DPP10: variants seen among roughly 807,000 people sequenced by gnomAD.
DPP10 encodes dipeptidyl peptidase like 10.
Under a neutral mutation model 120.9 loss-of-function variants are expected in DPP10, and 33 were observed. The observed-to-expected ratio is 0.27, with a 90% confidence interval of 0.21 to 0.37. The LOEUF is 0.37. Among genes scored for constraint, DPP10 ranks in the 10% least tolerant of loss-of-function variants. DPP10 has a pLI of 1.00. For synonymous variants in DPP10, 337 were observed against 326.1 expected, an observed-to-expected ratio of 1.03 and a Z score of -0.36; for missense variants, 816 against 942.8, an observed-to-expected ratio of 0.87 and a Z score of 1.76.
chr2:114,850,712 A>G (rs1202988012), intron 1 of DPP10, among the ~76,000 whole-genome samples: 1 of 152,160 alleles, frequency 6.6e-6, no homozygotes, highest in African/African-American at 2.4e-5. Context: ...TTCTCTCTAT[A>G]GATACCATAA....
rs533393126 is a variant in DPP10, at chr2:115,748,685, C to G, written c.950+2502C>G. On this transcript the variant is annotated intron_variant, in intron 10 of 25. Coordinates refer to ENST00000410059, the MANE Select transcript of DPP10 (RefSeq NM_020868.6). ...TATTTATAATAACTAGTGTTTATCA[C>G]TGTAATAGAAAAAGTTCCCCAAGCT... Among the ~76,000 whole-genome samples the G allele has an allele frequency of 3.0e-4, 46 of 152,066 alleles. No individual in the cohort carries two copies. In the South Asian group the frequency reaches 8.9e-3, roughly 30 times the overall value.
intron 1 of DPP10, among the ~76,000 whole-genome samples, chr2:114,942,306 T>TATATATATATATAC (rs1469260507): frequency 8.2e-6 from 1 of 122,450 alleles, no homozygotes; most frequent in African/African-American, 3.1e-5. Context: ...TACATATATA[T>TATATATATATATAC]ATATATATAT....
At chr2:115,768,505 C>T (rs1212772751) in intron 13 of DPP10, 101 bp downstream of exon 13, 1 of 968,362 alleles carries the variant, frequency 1.0e-6, no homozygotes, top group East Asian at 2.6e-5. Flanking sequence ...GGTGGTGAAA[C>T]CCAGCCATAT....
chr2:115,566,058 G>A (rs1003957945), intron 5 of DPP10, among the ~76,000 whole-genome samples: 1 of 151,854 alleles, frequency 6.6e-6, no homozygotes, highest in South Asian at 2.1e-4. Context: ...AAGTGCTGTA[G>A]TTACAAACAT....
At chr2:115,830,020 A>G (rs1248430787) in intron 21 of DPP10, among the ~76,000 whole-genome samples, 1 of 152,144 alleles carries the variant, frequency 6.6e-6, no homozygotes, top group Non-Finnish European at 1.5e-5. Flanking sequence ...ATATAAAACA[A>G]AACTCCTAGA....
At chr2:115,043,757 A>G (rs562026237) in intron 1 of DPP10, among the ~76,000 whole-genome samples, 1 of 152,310 alleles carries the variant, frequency 6.6e-6, no homozygotes, top group East Asian at 1.9e-4. Flanking sequence ...ATTGGCTTTC[A>G]TTTGAAACTT....
chr2:115,458,660 G>A (rs1390046136), intron 3 of DPP10, among the ~76,000 whole-genome samples: 4 of 152,120 alleles, frequency 2.6e-5, no homozygotes, highest in African/African-American at 7.2e-5. Context: ...ACATATATAC[G>A]TATTGAGCAT....
chr2:115,777,301 TGA>T lies in DPP10; in HGVS notation c.1313+4_1313+5del. On this transcript the variant is annotated splice_donor_region_variant and intron_variant, in intron 14 of 25. Transcript: ENST00000410059. Reference sequence around the variant, plus strand: ...ATACGATGAAACTACTCAAAAAATGTGAGTGTTTTCAGTTCTCTAGTCAGGCT... The same window carrying T: ...ATACGATGAAACTACTCAAAAAATGTGTGTTTTCAGTTCTCTAGTCAGGCT... 1 of 1,611,904 alleles carries T rather than the reference TGA, an allele frequency of 6.2e-7. No homozygotes were observed. Among genetic ancestry groups the T allele is most frequent in the Non-Finnish European group, 8.5e-7 (1 of 1,178,428 alleles).
At chr2:115,681,266 T>C (rs886975735) in intron 5 of DPP10, among the ~76,000 whole-genome samples, 1 of 151,910 alleles carries the variant, frequency 6.6e-6, no homozygotes, top group Non-Finnish European at 1.5e-5. Context: ...TTTTTTATGG[T>C]ATATGGAAAA....
intron 7 of DPP10, among the ~76,000 whole-genome samples, chr2:115,695,332 G>A (rs923165648): frequency 6.6e-6 from 1 of 152,114 alleles, no homozygotes; most frequent in African/African-American, 2.4e-5. Context: ...ATGGGAAATG[G>A]GAATGTATTA....
At chr2:114,592,968 T>C (rs1354089441) in intron 1 of DPP10, among the ~76,000 whole-genome samples, 1 of 152,204 alleles carries the variant, frequency 6.6e-6, no homozygotes, top group East Asian at 1.9e-4. Flanking sequence ...TTGGTTTATT[T>C]AGAATTTCAT....
chr2:115,243,767 T>C (rs996563800), intron 1 of DPP10, among the ~76,000 whole-genome samples: 1 of 132,242 alleles, frequency 7.6e-6, no homozygotes, highest in South Asian at 2.4e-4. Flanking sequence ...GGTTTTTTTT[T>C]AAACTATTTT....
chr2:114,932,978 T>C (rs938920253), intron 1 of DPP10, among the ~76,000 whole-genome samples: 2 of 152,120 alleles, frequency 1.3e-5, no homozygotes, highest in South Asian at 4.1e-4. Context: ...ACATCCTTCA[T>C]AGAGGGAGAA....
intron 1 of DPP10, among the ~76,000 whole-genome samples, chr2:115,004,235 G>A (rs190778013): frequency 6.6e-6 from 1 of 152,188 alleles, no homozygotes; most frequent in Non-Finnish European, 1.5e-5. Flanking sequence ...AAAGAAATAA[G>A]ACGTGGTGTT....
intron 3 of DPP10, among the ~76,000 whole-genome samples, chr2:115,361,641 T>C (rs1218969282): frequency 6.6e-6 from 1 of 152,112 alleles, no homozygotes; most frequent in Non-Finnish European, 1.5e-5. Flanking sequence ...GGATCTCTCA[T>C]AGCTAGGATC....
intron 1 of DPP10, among the ~76,000 whole-genome samples, chr2:114,788,836 C>T (rs1187310378): frequency 6.6e-6 from 1 of 152,188 alleles, no homozygotes; most frequent in Admixed American, 6.5e-5. Flanking sequence ...TCCACCACAC[C>T]TGTCCCTTCA....
intron 2 of DPP10, among the ~76,000 whole-genome samples, chr2:115,326,582 T>A (rs1010705596): frequency 6.6e-6 from 1 of 152,082 alleles, no homozygotes; most frequent in African/African-American, 2.4e-5. Flanking sequence ...ATAGGAGATT[T>A]TAGCCCCATG....
chr2:115,101,718 CAA>C (rs1382053086), intron 1 of DPP10, among the ~76,000 whole-genome samples: 1 of 152,162 alleles, frequency 6.6e-6, no homozygotes, highest in East Asian at 1.9e-4. Context: ...TTCAACATGC[CAA>C]AGATAACTGG....
chr2:115,409,833 T>TA (rs2068807033), intron 3 of DPP10, among the ~76,000 whole-genome samples: 2 of 152,180 alleles, frequency 1.3e-5, no homozygotes, highest in South Asian at 4.2e-4. Context: ...TACTAAGCCA[T>TA]AAAAAGAAAC....
Sources: allele counts gnomAD v4.1 joint callset (sites outside exome capture counted in the v4.1 genomes callset), GRCh38; gene constraint gnomAD v4.1.1; transcripts MANE v1.5; gene names NCBI Gene and HGNC (gene_info 2026-07-23, HGNC 2026-07-21).